AKAP13: variants seen among roughly 807,000 people sequenced by gnomAD.
The protein encoded by AKAP13 is A-kinase anchor protein 13.
In AKAP13, 80 loss-of-function variants were observed where a neutral mutation model predicts 264.5. The observed-to-expected ratio is 0.30, with a 90% CI of 0.25 to 0.36. The LOEUF (loss-of-function observed/expected upper bound fraction) is 0.36, where lower values mean the gene tolerates loss of function less well. AKAP13 is among the 10% of genes least tolerant of loss of function. AKAP13 has a pLI of 1.00. For synonymous variants in AKAP13, 1,380 were observed against 1,250.2 expected, an observed-to-expected ratio of 1.10 and a Z score of -2.19; for missense variants, 3,712 against 3,435.2, an observed-to-expected ratio of 1.08 and a Z score of -2.01.
At chr15:85,740,423 G>A in intron 34 of AKAP13, 151 bp downstream of exon 34, 2 of 785,268 alleles carry the variant, frequency 2.5e-6, no homozygotes, top group South Asian at 1.9e-5. Flanking sequence ...TGGTGAGAAA[G>A]TTACAGAATG....
intron 19 of AKAP13, among the ~76,000 whole-genome samples, chr15:85,711,339 A>AT (rs2151699395): frequency 6.6e-6 from 1 of 152,236 alleles, no homozygotes; most frequent in Admixed American, 6.5e-5. Flanking sequence ...GGTTTTACTG[A>AT]TACTTTTCCC....
intron 1 of AKAP13, among the ~76,000 whole-genome samples, chr15:85,483,558 G>A (rs1398376726): frequency 2.0e-5 from 3 of 147,048 alleles, no homozygotes; most frequent in South Asian, 2.1e-4. Flanking sequence ...CCCGGGAAGC[G>A]GAGCTTGCAG....
At chr15:85,688,733 T>A (rs1368543440) in intron 16 of AKAP13, among the ~76,000 whole-genome samples, 10 of 152,166 alleles carry the variant, frequency 6.6e-5, no homozygotes, top group Non-Finnish European at 1.5e-5. Context: ...CTTAAGAAAT[T>A]GAGTCCTTGA....
intron 16 of AKAP13, chr15:85,691,962 GAGCT>G: frequency 4.4e-6 from 2 of 451,878 alleles, no homozygotes; most frequent in Admixed American, 4.8e-5. Context: ...GTAGAGGAGT[GAGCT>G]ACTAAGCCTT....
intron 2 of AKAP13, among the ~76,000 whole-genome samples, chr15:85,510,239 G>A (rs2076373759): frequency 6.6e-6 from 1 of 152,178 alleles, no homozygotes; most frequent in Admixed American, 6.5e-5. Flanking sequence ...GCGCCTGCTC[G>A]AGGTGATCTG....
At chr15:85,612,968 T>C (rs1219577695) in intron 8 of AKAP13, among the ~76,000 whole-genome samples, 1 of 152,248 alleles carries the variant, frequency 6.6e-6, no homozygotes, top group Non-Finnish European at 1.5e-5. Flanking sequence ...TTGGTAAGAT[T>C]TCTACATGTG....
At chr15:85,440,671 A>G (rs1231563587) in intron 1 of AKAP13, among the ~76,000 whole-genome samples, 2 of 152,226 alleles carry the variant, frequency 1.3e-5, no homozygotes, top group Non-Finnish European at 2.9e-5. Context: ...AAAGTTGTCA[A>G]CAGGGCGTTG....
At chr15:85,506,803 C>T (rs949986886) in intron 2 of AKAP13, among the ~76,000 whole-genome samples, 11 of 152,182 alleles carry the variant, frequency 7.2e-5, no homozygotes, top group African/African-American at 1.9e-4. Flanking sequence ...TGTTATTAAT[C>T]GTTTCATGGG....
At chr15:85,648,582 G>C (rs1405944374) in intron 10 of AKAP13, among the ~76,000 whole-genome samples, 1 of 152,062 alleles carries the variant, frequency 6.6e-6, no homozygotes, top group Non-Finnish European at 1.5e-5. Context: ...AGGCGTGGTG[G>C]ATCTTAGCAT....
chr15:85,434,715 ACACCT>A (rs933008626), intron 1 of AKAP13, among the ~76,000 whole-genome samples: 3 of 152,160 alleles, frequency 2.0e-5, no homozygotes, highest in Admixed American at 6.5e-5. Flanking sequence ...GGGCACACTG[ACACCT>A]CACACGGCAG....
rs542692908 is a variant in AKAP13, at chr15:85,454,256, C to T, written c.-11-31454C>T. Among the ~76,000 whole-genome samples the T allele has an allele frequency of 7.9e-5, 12 of 152,302 alleles. No homozygotes were observed. In the East Asian group the frequency reaches 1.4e-3, roughly 17 times the overall value. Reference sequence around the variant, plus strand: ...AGTATCTAAGGCTCCAGGGTCTTCACGCATGCCAAGACTCCACATGGCTCT... The same window carrying T: ...AGTATCTAAGGCTCCAGGGTCTTCATGCATGCCAAGACTCCACATGGCTCT... On this transcript the variant is annotated intron_variant, in intron 1 of 36. Transcript: ENST00000394518.
intron 1 of AKAP13, among the ~76,000 whole-genome samples, chr15:85,434,382 C>T (rs2073171460): frequency 6.6e-6 from 1 of 152,154 alleles, no homozygotes; most frequent in South Asian, 2.1e-4. Flanking sequence ...AAGGCGGCAG[C>T]GAGGCTGGGG....
chr15:85,668,679 C>T (rs556768389), intron 13 of AKAP13, among the ~76,000 whole-genome samples: 1 of 152,310 alleles, frequency 6.6e-6, no homozygotes, highest in South Asian at 2.1e-4. Context: ...TGGTGGTTCA[C>T]ACCTATAATC....
chr15:85,386,996 T>C (rs1433015609), intron 1 of AKAP13, among the ~76,000 whole-genome samples: 4 of 152,342 alleles, frequency 2.6e-5, no homozygotes, highest in Middle Eastern at 3.4e-3. Context: ...CTTGCTGTTA[T>C]CCACAAGTCC....
At chr15:85,668,277 T>A (rs1489408862) in intron 13 of AKAP13, among the ~76,000 whole-genome samples, 2 of 152,260 alleles carry the variant, frequency 1.3e-5, no homozygotes, top group Non-Finnish European at 2.9e-5. Context: ...AACGGATTTT[T>A]CACTGCTTCC....
chr15:85,644,493 A>G (rs2082458037), intron 9 of AKAP13, among the ~76,000 whole-genome samples: 1 of 150,876 alleles, frequency 6.6e-6, no homozygotes, highest in Admixed American at 6.6e-5. Flanking sequence ...CGCCTGCCTC[A>G]GCCTCCCAAA....
chr15:85,622,126 TAC>T (rs2081220741), intron 8 of AKAP13, among the ~76,000 whole-genome samples: 1 of 152,214 alleles, frequency 6.6e-6, no homozygotes, highest in African/African-American at 2.4e-5. Context: ...AGCCACGGGT[TAC>T]AGTCTTTATC....
At chr15:85,524,184 A>AC (rs1375507901) in intron 3 of AKAP13, among the ~76,000 whole-genome samples, 1 of 78,144 alleles carries the variant, frequency 1.3e-5, no homozygotes, top group Non-Finnish European at 2.3e-5. Context: ...CTTGTCCCCC[A>AC]CCCCCCACCC....
intron 1 of AKAP13, among the ~76,000 whole-genome samples, chr15:85,387,974 A>G (rs1048396345): frequency 4.0e-5 from 6 of 150,972 alleles, no homozygotes; most frequent in African/African-American, 1.5e-4. Flanking sequence ...CTGCATAGAC[A>G]TTATTGTCAT....
Sources: gnomAD v4.1 joint callset for allele counts (sites outside exome capture counted in the v4.1 genomes callset) on GRCh38, gnomAD v4.1.1 for gene constraint, MANE v1.5 for transcripts, NCBI Gene and HGNC (gene_info 2026-07-23, HGNC 2026-07-21) for gene names.